Variants in ZNF800 observed in about 807,000 individuals in gnomAD.
ZNF800 encodes the protein zinc finger protein 800.
Under a neutral mutation model 59.5 loss-of-function variants are expected in ZNF800, and 13 were observed. That is an observed-to-expected ratio of 0.22 (90% confidence interval 0.14 to 0.35). The LOEUF (loss-of-function observed/expected upper bound fraction) is 0.35. Ranked by LOEUF, ZNF800 falls within the 10% of genes least tolerant of loss-of-function variation. The pLI is 1.00. For synonymous variants in ZNF800, 266 were observed against 265.7 expected, an observed-to-expected ratio of 1.00 and a Z score of -0.01; for missense variants, 621 against 783.7, an observed-to-expected ratio of 0.79 and a Z score of 2.48.
chr7:127,359,633 T>C (rs905595402), intron 1 of ZNF800, among the ~76,000 whole-genome samples: 12 of 152,108 alleles, frequency 7.9e-5, no homozygotes, highest in East Asian at 1.9e-4. Flanking sequence ...TAAGAGGCAA[T>C]AGAGTCTCTG....
intron 1 of ZNF800, among the ~76,000 whole-genome samples, chr7:127,359,472 TTAAGTA>T (rs1800349149): frequency 1.1e-5 from 1 of 91,452 alleles, no homozygotes; most frequent in South Asian, 4.3e-4. Flanking sequence ...CAAAATATTT[TTAAGTA>T]AAGAAATTAA....
At chr7:127,366,195 A>G (rs759524181), downstream of ZNF800, among the ~76,000 whole-genome samples, 4 of 152,082 alleles carry the variant, frequency 2.6e-5, no homozygotes, top group Non-Finnish European at 5.9e-5. Flanking sequence ...GTTTCCCCAA[A>G]AGAATGGAAT....
At position 127,371,705 on chromosome 7, in the gene ZNF800, T is replaced by C; in HGVS notation, c.*109A>G. ...AGTTGAATATTTAGAAAAATGTTTT[T>C]CTTTTTTTCCTCATAGTACCATTTG... On this transcript the variant is annotated 3_prime_UTR_variant, in exon 6 of 6. Transcript: ENST00000265827. The C allele has an allele frequency of 1.7e-6, 1 of 601,774 alleles. No individual in the cohort carries two copies. The highest frequency in any genetic ancestry group is 3.0e-6 in the Non-Finnish European group (1 of 328,658). The allele number at this position is 601,774 out of a possible 1,614,324, so 37.3% of individuals were successfully genotyped here. A position where few individuals can be genotyped will look rare whatever the true frequency, so the allele number is the denominator to read the frequency against.
intron 3 of ZNF800, among the ~76,000 whole-genome samples, chr7:127,378,483 CT>C (rs1800854014): frequency 6.6e-6 from 1 of 151,964 alleles, no homozygotes; most frequent in African/African-American, 2.4e-5. Flanking sequence ...GAAAAATATC[CT>C]TAAGACTGTC....
chr7:127,390,520 AT>A (rs928239866), intron 2 of ZNF800, among the ~76,000 whole-genome samples: 8 of 152,134 alleles, frequency 5.3e-5, no homozygotes, highest in Non-Finnish European at 1.0e-4. Flanking sequence ...TACTGATAAC[AT>A]TTTTTTCCAT....
chr7:127,358,746 A>G (rs1231268286), intron 1 of ZNF800, among the ~76,000 whole-genome samples: 2 of 152,026 alleles, frequency 1.3e-5, no homozygotes, highest in African/African-American at 4.8e-5. Flanking sequence ...TGTCCTTATA[A>G]TGTATTCCTC....
chr7:127,346,932 C>T (rs1562893230), exon 2 of ZNF800: 1 of 152,536 alleles, frequency 6.6e-6, no homozygotes, highest in Non-Finnish European at 1.5e-5. Flanking sequence ...ACTTGCTCAT[C>T]AGAGGAGTCC....
intron 5 of ZNF800, among the ~76,000 whole-genome samples, 170 bp from the exon 6 acceptor site, chr7:127,371,984 A>T (rs936332723): frequency 1.3e-5 from 2 of 152,234 alleles, no homozygotes; most frequent in African/African-American, 4.8e-5. Flanking sequence ...CACAGCACTC[A>T]AACTAATATT....
intron 2 of ZNF800, among the ~76,000 whole-genome samples, chr7:127,387,917 A>AACACACACACAC (rs141731563): frequency 1.9e-4 from 28 of 147,830 alleles, no homozygotes; most frequent in African/African-American, 6.7e-4. Context: ...ATTAATTAAG[A>AACACACACACAC]ACACACACAC....
At chr7:127,360,213 C>T (rs1800368073) in intron 1 of ZNF800, 1 of 152,088 alleles carries the variant, frequency 6.6e-6, no homozygotes, top group Non-Finnish European at 1.5e-5. Flanking sequence ...GACACTACCA[C>T]TAGAAATTGC....
intron 1 of ZNF800, chr7:127,359,814 G>A (rs964748840): frequency 6.6e-6 from 1 of 151,716 alleles, no homozygotes; most frequent in African/African-American, 2.4e-5. Context: ...AAACTTTAAT[G>A]GAAGACAATA....
chr7:127,348,894 A>C (rs939546999), intron 1 of ZNF800, among the ~76,000 whole-genome samples: 1 of 152,236 alleles, frequency 6.6e-6, no homozygotes, highest in Non-Finnish European at 1.5e-5. Context: ...GTGGACATCA[A>C]AAGATTTTAA....
At chr7:127,384,040 A>G (rs919353492) in intron 3 of ZNF800, among the ~76,000 whole-genome samples, 6 of 152,016 alleles carry the variant, frequency 3.9e-5, no homozygotes, top group Non-Finnish European at 5.9e-5. Flanking sequence ...AACACAGAGA[A>G]CAGATATGAT....
intron 3 of ZNF800, 50 bp downstream of exon 3, chr7:127,386,010 T>TCC: frequency 7.6e-7 from 1 of 1,314,150 alleles, no homozygotes; most frequent in Non-Finnish European, 1.1e-6. Context: ...TTCTAGGTAG[T>TCC]TTTTAACTAC....
rs1382564803 is a variant in ZNF800, at chr7:127,371,634, G to A, written c.*180C>T. On this transcript the variant is annotated 3_prime_UTR_variant, in exon 6 of 6. Coordinates refer to ENST00000265827, the MANE Select transcript of ZNF800 (RefSeq NM_176814.5). ...AAGTGCTGGAATAGGCAGTGCCTTA[G>A]AAACAAGTGGTTAGATGGTTATTTT... 2.0e-6 allele frequency: 1 copy of A among 489,416 alleles called. No individual in the cohort carries two copies. Among genetic ancestry groups the A allele is most frequent in the Admixed American group, 4.0e-5 (1 of 25,190 alleles). 30.3% of individuals were successfully genotyped at this position (489,416 alleles called of 1,614,324 possible). A position where few individuals can be genotyped will look rare whatever the true frequency, so the allele number is the denominator to read the frequency against.
At chr7:127,356,292 A>T (rs1022022037) in intron 1 of ZNF800, among the ~76,000 whole-genome samples, 5 of 151,586 alleles carry the variant, frequency 3.3e-5, no homozygotes, top group African/African-American at 7.3e-5. Flanking sequence ...AGAGAGAGAG[A>T]GTGTGTGTTG....
chr7:127,351,601 A>G (rs1395922678), intron 1 of ZNF800: 1 of 152,214 alleles, frequency 6.6e-6, no homozygotes, highest in African/African-American at 2.4e-5. Flanking sequence ...GACTCATCTG[A>G]ATCATTCCTT....
At chr7:127,371,887 G>C in intron 5 of ZNF800, 73 bp from the exon 6 acceptor site, 1 of 660,342 alleles carries the variant, frequency 1.5e-6, no homozygotes, top group Non-Finnish European at 2.8e-6. Flanking sequence ...CTATGCAACA[G>C]TAAATTACTT....
At chr7:127,391,724 C>G in intron 1 of ZNF800, 109 bp from the exon 2 acceptor site, 3 of 644,966 alleles carry the variant, frequency 4.7e-6, no homozygotes, top group East Asian at 5.5e-5. Context: ...CCTCCACGGA[C>G]CCGCACCTCC....
Sources: gnomAD v4.1 joint callset for allele counts (sites outside exome capture counted in the v4.1 genomes callset) on GRCh38, gnomAD v4.1.1 for gene constraint, MANE v1.5 for transcripts, NCBI Gene and HGNC (gene_info 2026-07-23, HGNC 2026-07-21) for gene names.